The following RAD9B variants were observed in gnomAD, a reference collection of about 807,000 sequenced individuals.
RAD9B encodes the protein cell cycle checkpoint control protein RAD9B.
In RAD9B, 41 loss-of-function variants were observed where a neutral mutation model predicts 48.3. The observed-to-expected ratio is 0.85, with a 90% CI of 0.66 to 1.10. The LOEUF (loss-of-function observed/expected upper bound fraction) is 1.10, where lower values mean the gene tolerates loss of function less well. Among genes scored for constraint, RAD9B ranks in the 50% least tolerant of loss-of-function variants. The pLI, the probability that RAD9B is intolerant of heterozygous loss-of-function variation, is 0.00. For missense variants in RAD9B, 444 were observed against 485.1 expected (o/e 0.92, Z 0.80); for synonymous variants, 160 against 157.9 (o/e 1.01, Z -0.10).
chr12:110,521,419 G>T (rs2063781529), intron 9 of RAD9B, among the ~76,000 whole-genome samples: 1 of 152,076 alleles, frequency 6.6e-6, no homozygotes, highest in African/African-American at 2.4e-5. Context: ...CTCCCAGAGT[G>T]CTAGGATTAC....
intron 10 of RAD9B, among the ~76,000 whole-genome samples, chr12:110,523,271 CA>C (rs1339374839): frequency 6.6e-6 from 1 of 151,978 alleles, no homozygotes; most frequent in Non-Finnish European, 1.5e-5. Flanking sequence ...CCCATCTCAA[CA>C]AAAACTTAAA....
intron 10 of RAD9B, among the ~76,000 whole-genome samples, chr12:110,528,454 C>T (rs1565904091): frequency 6.6e-6 from 1 of 151,820 alleles, no homozygotes; most frequent in Admixed American, 6.6e-5. Flanking sequence ...GCAGTGCCGC[C>T]CACCATCTTC....
At position 110,514,966 on chromosome 12, in the gene RAD9B, T is replaced by C. The variant is rs1348272031; in HGVS notation, c.489-84T>C. On this transcript the variant is annotated intron_variant, in intron 5 of 10. Coordinates refer to ENST00000409300, the MANE Select transcript of RAD9B (RefSeq NM_001286535.2). Reference sequence around the variant, plus strand: ...GGCCAAGTAATTATTTATTTCCAGATTAGAGATTTGAGTCCCAGTTAATAA... The same window carrying C: ...GGCCAAGTAATTATTTATTTCCAGACTAGAGATTTGAGTCCCAGTTAATAA... The C allele has an allele frequency of 9.0e-6, 7 of 779,756 alleles. No individual in the cohort carries two copies. In the Admixed American group the frequency reaches 1.6e-4, roughly 17 times the overall value. 48.3% of individuals were successfully genotyped at this position (779,756 alleles called of 1,614,324 possible). A position where few individuals can be genotyped will look rare whatever the true frequency, so the allele number is the denominator to read the frequency against.
Position 110,512,776 on chromosome 12 carries a change from A to G in RAD9B, c.389-3A>G, listed in dbSNP as rs1257250700. The G allele has an allele frequency of 4.2e-6, 5 of 1,181,194 alleles. No individual in the cohort carries two copies. Among genetic ancestry groups the G allele is most frequent in the African/African-American group, 1.6e-5 (1 of 64,364 alleles). 73.2% of individuals were successfully genotyped at this position (1,181,194 alleles called of 1,614,324 possible). On this transcript the variant is annotated splice_polypyrimidine_tract_variant and splice_region_variant and intron_variant, in intron 4 of 10. Coordinates refer to ENST00000409300, the MANE Select transcript of RAD9B (RefSeq NM_001286535.2). ...ATTAAGAGGTGGCTTTATTCTTTTT[A>G]AGGTATTAAAAGAACTCATAATATA...
At position 110,531,277 on chromosome 12, in the gene RAD9B, C is replaced by T; in HGVS notation, c.*624C>T. 1 of 551,292 alleles carries T rather than the reference C, an allele frequency of 1.8e-6. No homozygotes were observed. The highest frequency in any genetic ancestry group is 2.6e-6 in the Non-Finnish European group (1 of 389,810). The allele number at this position is 551,292 out of a possible 1,614,324, so 34.2% of individuals were successfully genotyped here. On this transcript the variant is annotated 3_prime_UTR_variant, in exon 11 of 11. Transcript: ENST00000409300. The stretch of plus-strand genomic sequence containing the variant: ...GTGCAATCTCTGCTCACTGCAACAT[C>T]TGCCTCCCAGGTCCAAGCGATTCTC...
At chr12:110,519,030 A>G in intron 8 of RAD9B, 92 bp downstream of exon 8, 1 of 812,200 alleles carries the variant, frequency 1.2e-6, no homozygotes, top group Non-Finnish European at 2.0e-6. Context: ...TTAACACCTC[A>G]GGAATACCTA....
intron 10 of RAD9B, among the ~76,000 whole-genome samples, chr12:110,525,790 A>T (rs1313737694): frequency 6.6e-6 from 1 of 152,192 alleles, no homozygotes; most frequent in Non-Finnish European, 1.5e-5. Context: ...ACTCGGGTTC[A>T]AGTGATTCTC....
intron 10 of RAD9B, among the ~76,000 whole-genome samples, chr12:110,525,673 T>C (rs1420547829): frequency 6.6e-6 from 1 of 152,148 alleles, no homozygotes; most frequent in Non-Finnish European, 1.5e-5. Context: ...TGTTTTTCTT[T>C]TAGCAACTGG....
At chr12:110,522,092 T>C (rs1173328521) in intron 9 of RAD9B, 85 bp from the exon 10 acceptor site, 42 of 877,410 alleles carry the variant, frequency 4.8e-5, no homozygotes, top group Non-Finnish European at 6.9e-5. Flanking sequence ...AGTGCTATCA[T>C]TGTCATCCCA....
In RAD9B at chr12:110,521,213, G is replaced by A. The variant is rs563809873; in HGVS notation, c.891-964G>A. ...ACTCTGTCACCCAGGCTGGAGTGCA[G>A]TAGCACAGTCATAGCTCATCATAGT... On this transcript the variant is annotated intron_variant, in intron 9 of 10. Coordinates refer to ENST00000409300, the MANE Select transcript of RAD9B (RefSeq NM_001286535.2). Among the ~76,000 whole-genome samples the A allele has an allele frequency of 3.7e-4, 57 of 152,278 alleles. 2 individuals carry two copies. The highest frequency in any genetic ancestry group is 3.3e-3 in the Admixed American group (50 of 15,296).
At chr12:110,519,995 C>T (rs2063726249) in intron 9 of RAD9B, 79 bp downstream of exon 9, 1 of 1,468,064 alleles carries the variant, frequency 6.8e-7, no homozygotes, top group South Asian at 1.3e-5. Context: ...CTTGCATTCA[C>T]TTAGGAAACA....
chr12:110,506,201 T>TGAATGCATATAC (rs1190461138), intron 3 of RAD9B, among the ~76,000 whole-genome samples: 1 of 143,664 alleles, frequency 7.0e-6, no homozygotes, highest in East Asian at 2.1e-4. Flanking sequence ...TGTTCATTTT[T>TGAATGCATATAC]TTTTTGAGAC....
At position 110,512,873 on chromosome 12, in the gene RAD9B, A is replaced by G; in HGVS notation, c.483A>G (p.Gln161=). The change falls in exon 5 of 11, where the codon CAA becomes CAG. Residue 161 remains glutamine, a synonymous_variant. Coordinates refer to ENST00000409300, the MANE Select transcript of RAD9B (RefSeq NM_001286535.2). The part of the protein sequence containing the change: ...KNVCTNTLMI[Q]PRLLADAIVL... ...TTTGTACTAATACGCTAATGATTCA[A>G]CCAAGGTAATGAGTTCTCTGTTGTC... 2 of 1,508,388 alleles carry G rather than the reference A, an allele frequency of 1.3e-6. No homozygotes were observed. Among genetic ancestry groups the G allele is most frequent in the South Asian group, 1.2e-5 (1 of 85,994 alleles). 93.4% of individuals were successfully genotyped at this position (1,508,388 alleles called of 1,614,324 possible).
At chr12:110,509,199 A>C (rs1295484559) in intron 4 of RAD9B, among the ~76,000 whole-genome samples, 1 of 151,324 alleles carries the variant, frequency 6.6e-6, no homozygotes, top group Non-Finnish European at 1.5e-5. Context: ...CGATCTCCTG[A>C]CCTCGTGATC....
intron 1 of RAD9B, chr12:110,502,887 G>C (rs1200590057): frequency 6.3e-6 from 1 of 158,180 alleles, no homozygotes; most frequent in Non-Finnish European, 1.4e-5. Context: ...ATGGAAATGC[G>C]TGTAAAGAGC....
At position 110,512,788 on chromosome 12, in the gene RAD9B, G is replaced by T. The variant is rs753006923; in HGVS notation, c.398G>T (p.Arg133Ile). ...IQFFYRHGIKRTHNICFQESQ... is the reference protein window; with the variant it reads ...IQFFYRHGIKITHNICFQESQ... Reference sequence around the variant, plus strand: ...CTTTATTCTTTTTAAGGTATTAAAAGAACTCATAATATATGTTTTCAAGAA... The same window carrying T: ...CTTTATTCTTTTTAAGGTATTAAAATAACTCATAATATATGTTTTCAAGAA... The change falls in exon 5 of 11, where the codon AGA becomes ATA. Residue 133 changes from arginine (R) to isoleucine (I), a missense_variant. Coordinates refer to ENST00000409300, the MANE Select transcript of RAD9B (RefSeq NM_001286535.2). 18 of 1,353,408 alleles carry T rather than the reference G, an allele frequency of 1.3e-5. No homozygotes were observed. Among genetic ancestry groups the T allele is most frequent in the African/African-American group, 4.4e-5 (3 of 68,450 alleles). The allele number at this position is 1,353,408 out of a possible 1,614,324, so 83.8% of individuals were successfully genotyped here.
At chr12:110,527,694 C>T (rs1049024965) in intron 10 of RAD9B, among the ~76,000 whole-genome samples, 7 of 152,116 alleles carry the variant, frequency 4.6e-5, no homozygotes, top group Admixed American at 6.6e-5. Flanking sequence ...TATCACGTAT[C>T]GGGACTAGGG....
chr12:110,515,289 A>G, intron 6 of RAD9B, 133 bp downstream of exon 6: 1 of 575,414 alleles, frequency 1.7e-6, no homozygotes, highest in Non-Finnish European at 3.0e-6. Context: ...AAGGTTGGAA[A>G]AAGCTTTAAG....
chr12:110,525,771 A>G (rs556150434), intron 10 of RAD9B, among the ~76,000 whole-genome samples: 4 of 152,208 alleles, frequency 2.6e-5, no homozygotes, highest in South Asian at 2.1e-4. Context: ...GCTCACTGCA[A>G]CCTCTGCCAC....
Sources: allele counts gnomAD v4.1 joint callset (sites outside exome capture counted in the v4.1 genomes callset), GRCh38; gene constraint gnomAD v4.1.1; transcripts MANE v1.5; gene names NCBI Gene and HGNC (gene_info 2026-07-23, HGNC 2026-07-21).